PGBD5: variants seen among roughly 807,000 people sequenced by gnomAD.
The protein encoded by PGBD5 is piggyBac transposable element-derived protein 5.
Under a neutral mutation model 47.9 loss-of-function variants are expected in PGBD5, and 14 were observed. The ratio of observed to expected loss-of-function variants is 0.29; its 90% CI spans 0.19 to 0.46. The LOEUF is 0.46. Ranked by LOEUF, PGBD5 falls within the 20% of genes least tolerant of loss-of-function variation. The pLI, the probability that PGBD5 is intolerant of heterozygous loss-of-function variation, is 1.00. For synonymous variants in PGBD5, 316 were observed against 306.3 expected (o/e 1.03, Z -0.33); for missense variants, 635 against 716.0 (o/e 0.89, Z 1.29).
At chr1:230,393,497 C>T (rs1571855436) in intron 1 of PGBD5, among the ~76,000 whole-genome samples, 2 of 152,084 alleles carry the variant, frequency 1.3e-5, no homozygotes, top group African/African-American at 4.8e-5. Flanking sequence ...CAGAGGCTTC[C>T]ACCCAATCTT....
chr1:230,410,106 G>A (rs1657382060), intron 1 of PGBD5, among the ~76,000 whole-genome samples: 1 of 152,194 alleles, frequency 6.6e-6, no homozygotes, highest in African/African-American at 2.4e-5. Flanking sequence ...CAAATGCAAA[G>A]AAGAAGGCAG....
intron 1 of PGBD5, among the ~76,000 whole-genome samples, chr1:230,422,367 CAA>C (rs1318759336): frequency 6.6e-6 from 1 of 151,938 alleles, no homozygotes; most frequent in Non-Finnish European, 1.5e-5. Context: ...ATTCTGTTTC[CAA>C]AGAGTGAGCT....
At chr1:230,374,074 A>G (rs1014974128) in intron 1 of PGBD5, among the ~76,000 whole-genome samples, 10 of 152,238 alleles carry the variant, frequency 6.6e-5, no homozygotes, top group Admixed American at 1.3e-4. Context: ...TTCATGATAT[A>G]GAACTCTCTC....
At chr1:230,368,201 T>C in intron 1 of PGBD5, 1 of 1,331,304 alleles carries the variant, frequency 7.5e-7, no homozygotes, top group South Asian at 1.2e-5. Flanking sequence ...GGATAAAAGC[T>C]GAAAGCTGAC....
intron 4 of PGBD5, among the ~76,000 whole-genome samples, chr1:230,335,644 C>T (rs375530168): frequency 1.9e-5 from 2 of 103,914 alleles, no homozygotes; most frequent in Non-Finnish European, 4.4e-5. Context: ...GACACAAACA[C>T]AGACGCACAA....
chr1:230,421,074 T>C (rs1176020181), intron 1 of PGBD5, among the ~76,000 whole-genome samples: 1 of 152,264 alleles, frequency 6.6e-6, no homozygotes, highest in East Asian at 1.9e-4. Context: ...CACCACCTGT[T>C]CCAGTGTATG....
At chr1:230,398,916 G>A (rs1327807533) in intron 1 of PGBD5, among the ~76,000 whole-genome samples, 4 of 152,178 alleles carry the variant, frequency 2.6e-5, no homozygotes, top group African/African-American at 9.7e-5. Context: ...CGGAAGGGCT[G>A]GATGCAGAGT....
chr1:230,388,448 C>T (rs1656704676), intron 1 of PGBD5, among the ~76,000 whole-genome samples: 1 of 148,928 alleles, frequency 6.7e-6, no homozygotes, highest in South Asian at 2.1e-4. Flanking sequence ...TGGAGTCTCG[C>T]TCTGTCGCCC....
At chr1:230,325,464 T>C (rs1436436918) in intron 5 of PGBD5, 49 bp from the exon 6 acceptor site, 3 of 1,325,004 alleles carry the variant, frequency 2.3e-6, no homozygotes, top group Admixed American at 3.6e-5. Flanking sequence ...CTCCTCCTAA[T>C]GCCACTTTAT....
intron 4 of PGBD5, among the ~76,000 whole-genome samples, chr1:230,333,969 C>T (rs1667262318): frequency 6.6e-6 from 1 of 152,236 alleles, no homozygotes; most frequent in Non-Finnish European, 1.5e-5. Flanking sequence ...CCCCAGCAGC[C>T]TGGAGGGGAC....
In PGBD5 at chr1:230,415,075, G is replaced by A. The variant is rs149195093; in HGVS notation, c.331+10523C>T. The stretch of plus-strand genomic sequence containing the variant: ...GAGCCAGGAGTTTCAGACCAGCTTA[G>A]GCAACATAGTGAGACCTTGTCTTTA... On this transcript the variant is annotated intron_variant, in intron 1 of 6. Transcript: ENST00000391860. Among the ~76,000 whole-genome samples the A allele has an allele frequency of 1.6e-3, 246 of 152,292 alleles. 1 individual carries two copies. The highest frequency in any genetic ancestry group is 2.6e-3 in the Non-Finnish European group (174 of 68,038).
Position 230,360,684 on chromosome 1 carries a change from G to A in PGBD5, c.332-3363C>T, listed in dbSNP as rs182468903. On this transcript the variant is annotated intron_variant, in intron 1 of 6. Transcript: ENST00000391860. Reference sequence around the variant, plus strand: ...TGATTGTAAGTTTCCTGAGGTCTTCGAAACCATGCGAACTGTGAGTTAATG... The same window carrying A: ...TGATTGTAAGTTTCCTGAGGTCTTCAAAACCATGCGAACTGTGAGTTAATG... 2.2e-4 allele frequency among the ~76,000 whole-genome samples: 33 copies of A among 152,180 alleles called. No individual in the cohort carries two copies. The East Asian group carries it at 4.3e-3, about 20-fold the overall frequency.
intron 3 of PGBD5, among the ~76,000 whole-genome samples, chr1:230,340,994 C>T (rs574934774): frequency 5.3e-5 from 8 of 152,114 alleles, no homozygotes; most frequent in Non-Finnish European, 8.8e-5. Flanking sequence ...GAGCTAAAGG[C>T]ACTGAGCCAG....
At chr1:230,331,012 T>C (rs143374529) in intron 5 of PGBD5, among the ~76,000 whole-genome samples, 4 of 152,306 alleles carry the variant, frequency 2.6e-5, no homozygotes, top group Non-Finnish European at 5.9e-5. Context: ...GGAGAGGATT[T>C]TGAACCTCTC....
Position 230,357,908 on chromosome 1 carries a change from G to A in PGBD5, c.332-587C>T, listed in dbSNP as rs1368255920. 1.3e-5 allele frequency among the ~76,000 whole-genome samples: 2 copies of A among 151,958 alleles called. No individual in the cohort carries two copies. Among genetic ancestry groups the A allele is most frequent in the Non-Finnish European group, 2.9e-5 (2 of 68,002 alleles). On this transcript the variant is annotated intron_variant, in intron 1 of 6. Transcript: ENST00000391860. This position sits in a 1 kb window ranked among gnomAD's most constrained non-coding sequence, Gnocchi z 5.7. Reference sequence around the variant, plus strand: ...GTCTGCCAGTCTGGGGTACTTCTCCGTACAAGGAAGAAAGCATGCATATAC... The same window carrying A: ...GTCTGCCAGTCTGGGGTACTTCTCCATACAAGGAAGAAAGCATGCATATAC...
Position 230,391,846 on chromosome 1 carries a change from A to C in PGBD5, c.331+33752T>G, listed in dbSNP as rs1656792293. ...GCACTGATCTTCGTTAAATTCAATAAAAAACGAGCCCCATGCTGCATTTCT... is the reference window on the plus strand; with the variant it reads ...GCACTGATCTTCGTTAAATTCAATACAAAACGAGCCCCATGCTGCATTTCT... On this transcript the variant is annotated intron_variant, in intron 1 of 6. Transcript: ENST00000391860. Among the ~76,000 whole-genome samples, 3 of 152,178 alleles carry C rather than the reference A, an allele frequency of 2.0e-5. No homozygotes were observed. In the South Asian group the frequency reaches 6.2e-4, roughly 32 times the overall value.
Position 230,318,140 on chromosome 1 carries a change from ATGGCTAAATGGCAGCGAGCTGCG to A in PGBD5, c.*5262_*5284del, listed in dbSNP as rs1666978939. ...ACCCCAGGGAGGGAGGGACACAGAG[ATGGCTAAATGGCAGCGAGCTGCG>A]TGGCCAGAGGGCATGCTTACTCTCT... is the stretch of plus-strand genomic sequence containing the variant. On this transcript the variant is annotated 3_prime_UTR_variant, in exon 7 of 7. Transcript: ENST00000391860. 1 of 152,274 alleles carries A rather than the reference ATGGCTAAATGGCAGCGAGCTGCG, an allele frequency of 6.6e-6. No individual in the cohort carries two copies. Among genetic ancestry groups the A allele is most frequent in the Non-Finnish European group, 1.5e-5 (1 of 68,094 alleles). 9.4% of individuals were successfully genotyped at this position (152,274 alleles called of 1,614,324 possible). A position where few individuals can be genotyped will look rare whatever the true frequency, so the allele number is the denominator to read the frequency against.
At chr1:230,413,216 T>C (rs900552469) in intron 1 of PGBD5, among the ~76,000 whole-genome samples, 27 of 152,316 alleles carry the variant, frequency 1.8e-4, no homozygotes, top group Admixed American at 5.9e-4. Flanking sequence ...ATCAGACTAC[T>C]GGTGGCATGC....
intron 2 of PGBD5, among the ~76,000 whole-genome samples, chr1:230,356,421 C>G (rs1037834814): frequency 2.0e-4 from 30 of 152,182 alleles, no homozygotes; most frequent in African/African-American, 5.8e-4. Context: ...TCCAACAGCT[C>G]TGGCTCTGCT....
Sources: gnomAD v4.1 joint callset for allele counts (sites outside exome capture counted in the v4.1 genomes callset) on GRCh38, gnomAD v4.1.1 for gene constraint, Gnocchi (gnomAD v3.1) non-coding constraint, MANE v1.5 for transcripts, NCBI Gene and HGNC (gene_info 2026-07-23, HGNC 2026-07-21) for gene names.